Variants in MDGA2 observed in about 807,000 individuals in gnomAD.
MDGA2 encodes MAM domain-containing glycosylphosphatidylinositol anchor protein 2.
Under a neutral mutation model 117.8 loss-of-function variants are expected in MDGA2, and 40 were observed. That is an observed-to-expected ratio of 0.34 (90% CI 0.26 to 0.44). MDGA2 has a LOEUF of 0.44. MDGA2 is among the 20% of genes least tolerant of loss of function. MDGA2 has a pLI of 1.00. For missense variants in MDGA2, 1,123 were observed against 1,250.6 expected (o/e 0.90, Z 1.54); for synonymous variants, 452 against 439.0 (o/e 1.03, Z -0.37).
At chr14:47,267,697 C>T (rs1032237889) in intron 2 of MDGA2, among the ~76,000 whole-genome samples, 1 of 152,124 alleles carries the variant, frequency 6.6e-6, no homozygotes, top group African/African-American at 2.4e-5. Flanking sequence ...CAATCTTCCT[C>T]AATTGTTTTT....
chr14:47,527,627 G>A (rs1187386774), intron 1 of MDGA2, among the ~76,000 whole-genome samples: 5 of 152,180 alleles, frequency 3.3e-5, no homozygotes, highest in Admixed American at 2.0e-4. Flanking sequence ...AAACTCTGAA[G>A]TCTGGAGCAA....
intron 15 of MDGA2, among the ~76,000 whole-genome samples, chr14:46,848,958 TA>T (rs529032921): frequency 6.6e-6 from 1 of 151,948 alleles, no homozygotes; most frequent in African/African-American, 2.4e-5. Flanking sequence ...AGTGGTACAG[TA>T]AAAAAAGTAG....
intron 1 of MDGA2, among the ~76,000 whole-genome samples, chr14:47,340,877 A>T (rs1890600242): frequency 6.6e-6 from 1 of 152,170 alleles, no homozygotes; most frequent in South Asian, 2.1e-4. Context: ...TTATATATTC[A>T]AACACTCAAG....
At chr14:47,284,386 A>C (rs1244357039) in intron 2 of MDGA2, among the ~76,000 whole-genome samples, 3 of 152,176 alleles carry the variant, frequency 2.0e-5, no homozygotes, top group African/African-American at 7.2e-5. Flanking sequence ...GAATGGAAAA[A>C]CAAACTTGTG....
chr14:47,214,975 G>C (rs2139498510), intron 3 of MDGA2, among the ~76,000 whole-genome samples: 1 of 152,126 alleles, frequency 6.6e-6, no homozygotes, highest in East Asian at 1.9e-4. Context: ...TATTCTTTTT[G>C]TTAAACCAAG....
intron 1 of MDGA2, among the ~76,000 whole-genome samples, chr14:47,631,202 T>C (rs1310929740): frequency 6.6e-6 from 1 of 152,154 alleles, no homozygotes; most frequent in Admixed American, 6.5e-5. Context: ...TTCTGGAGCA[T>C]TTAAATAATC....
At chr14:47,438,466 C>A (rs1466234598) in intron 1 of MDGA2, among the ~76,000 whole-genome samples, 2 of 152,188 alleles carry the variant, frequency 1.3e-5, no homozygotes, top group African/African-American at 4.8e-5. Flanking sequence ...GAAATGGGAG[C>A]TGTTTAGAGC....
intron 14 of MDGA2, among the ~76,000 whole-genome samples, chr14:46,869,827 G>GTAGA (rs1881927103): frequency 6.6e-6 from 1 of 151,934 alleles, no homozygotes; most frequent in African/African-American, 2.4e-5. Context: ...CGACAGCCCT[G>GTAGA]TAGAGATGTC....
At chr14:47,655,678 G>T (rs1015698459) in intron 1 of MDGA2, among the ~76,000 whole-genome samples, 1 of 152,026 alleles carries the variant, frequency 6.6e-6, no homozygotes, top group Non-Finnish European at 1.5e-5. Flanking sequence ...GAACAAATTA[G>T]CTCACTTTCC....
chr14:47,069,212 A>G (rs1473121607), intron 6 of MDGA2, among the ~76,000 whole-genome samples: 1 of 152,178 alleles, frequency 6.6e-6, no homozygotes, highest in African/African-American at 2.4e-5. Flanking sequence ...TGAGGGCTCA[A>G]AGATTAGTAA....
chr14:47,405,183 AAAGT>A (rs1892235900), intron 1 of MDGA2, among the ~76,000 whole-genome samples: 1 of 152,198 alleles, frequency 6.6e-6, no homozygotes, highest in South Asian at 2.1e-4. Context: ...TCAAAAGTAC[AAAGT>A]AATTAATTAA....
chr14:47,647,400 GCATTAA>G (rs1043723449), intron 1 of MDGA2, among the ~76,000 whole-genome samples: 37 of 151,696 alleles, frequency 2.4e-4, no homozygotes, highest in African/African-American at 8.7e-4. Context: ...ATAATAGTAG[GCATTAA>G]CATCAGACAC....
chr14:47,049,982 G>T (rs1482906426), intron 7 of MDGA2, among the ~76,000 whole-genome samples: 2 of 151,904 alleles, frequency 1.3e-5, no homozygotes, highest in African/African-American at 4.8e-5. Context: ...AACAGGACTT[G>T]CCAGGCTCCA....
At chr14:46,903,886 C>A (rs1883387547) in intron 10 of MDGA2, among the ~76,000 whole-genome samples, 1 of 152,068 alleles carries the variant, frequency 6.6e-6, no homozygotes, top group African/African-American at 2.4e-5. Flanking sequence ...TAATATATAA[C>A]AATGTATTCA....
intron 10 of MDGA2, among the ~76,000 whole-genome samples, chr14:46,919,057 C>T (rs560859844): frequency 1.3e-5 from 2 of 152,218 alleles, no homozygotes; most frequent in East Asian, 3.9e-4. Context: ...CCACCGCGCC[C>T]GGCCACAGTG....
At chr14:47,000,503 C>G (rs1887493599) in intron 8 of MDGA2, among the ~76,000 whole-genome samples, 1 of 146,204 alleles carries the variant, frequency 6.8e-6, no homozygotes, top group African/African-American at 2.5e-5. Flanking sequence ...AGTTAAATTG[C>G]TAACTGTGCA....
At chr14:47,463,841 T>C (rs576805642) in intron 1 of MDGA2, among the ~76,000 whole-genome samples, 1 of 152,244 alleles carries the variant, frequency 6.6e-6, no homozygotes, top group African/African-American at 2.4e-5. Flanking sequence ...TATAATAATG[T>C]AGAGGCTCAA....
intron 2 of MDGA2, among the ~76,000 whole-genome samples, chr14:47,234,531 G>A (rs1437468822): frequency 1.3e-5 from 2 of 151,986 alleles, no homozygotes; most frequent in Non-Finnish European, 2.9e-5. Context: ...GAAGTCCTGG[G>A]ATATTAAATA....
chr14:47,205,314 T>G (rs1226031202), intron 3 of MDGA2, among the ~76,000 whole-genome samples: 1 of 151,994 alleles, frequency 6.6e-6, no homozygotes, highest in Non-Finnish European at 1.5e-5. Flanking sequence ...GTAACATCTC[T>G]TCCTTGTGCT....
Sources: gnomAD v4.1 joint callset for allele counts (sites outside exome capture counted in the v4.1 genomes callset) on GRCh38, gnomAD v4.1.1 for gene constraint, MANE v1.5 for transcripts, NCBI Gene and HGNC (gene_info 2026-07-23, HGNC 2026-07-21) for gene names.